The following DNAH8 variants were observed in gnomAD, a reference collection of about 807,000 sequenced individuals.
The protein encoded by DNAH8 is axonemal beta dynein heavy chain 8.
A neutral mutation model predicts 562.1 loss-of-function variants in DNAH8; 382 were observed. The ratio of observed to expected loss-of-function variants is 0.68; its 90% CI spans 0.63 to 0.74. DNAH8 has a LOEUF of 0.74. DNAH8 is among the 30% of genes least tolerant of loss of function. DNAH8 has a pLI of 0.00. For synonymous variants in DNAH8, 1,881 were observed against 1,919.4 expected (o/e 0.98, Z 0.52); for missense variants, 5,203 against 5,620.4 (o/e 0.93, Z 2.37).
chr6:38,858,321 T>G (rs1298054905), intron 42 of DNAH8, among the ~76,000 whole-genome samples: 1 of 152,192 alleles, frequency 6.6e-6, no homozygotes, highest in African/African-American at 2.4e-5. Context: ...TTAGTCTACT[T>G]GATTTGATAC....
chr6:38,807,594 T>G lies in DNAH8; in HGVS notation c.3151-16T>G, dbSNP rs1771400617. 1 of 1,389,754 alleles carries G rather than the reference T, an allele frequency of 7.2e-7. No individual in the cohort carries two copies. Among genetic ancestry groups the G allele is most frequent in the Non-Finnish European group, 9.6e-7 (1 of 1,046,698 alleles). 86.1% of individuals were successfully genotyped at this position (1,389,754 alleles called of 1,614,324 possible). On this transcript the variant is annotated splice_polypyrimidine_tract_variant and intron_variant, in intron 23 of 92. Coordinates refer to ENST00000327475, the MANE Select transcript of DNAH8 (RefSeq NM_001206927.2). Reference sequence around the variant, plus strand: ...TGGAGGAGAGATACCAAATTTAATCTGATTTCTTATTACAGGAGTGTAAAG... The same window carrying G: ...TGGAGGAGAGATACCAAATTTAATCGGATTTCTTATTACAGGAGTGTAAAG...
At position 38,778,406 on chromosome 6, in the gene DNAH8, A is replaced by C. The variant is rs1768266280; in HGVS notation, c.1981A>C (p.Met661Leu). ...ATTTTAGGTACAAATACAGGCATTT[A>C]TGAACAGTAGTTTTGGGAAAATCTT... ...NGLEVQIQAF[M>L]NSSFGKILSS... Residue 661 changes from methionine (M) to leucine (L), a missense_variant, in exon 14 of 93, where the codon ATG (methionine) becomes CTG (leucine). Transcript: ENST00000327475. 1 of 1,575,102 alleles carries C rather than the reference A, an allele frequency of 6.3e-7. No individual in the cohort carries two copies. Among genetic ancestry groups the C allele is most frequent in the African/African-American group, 1.3e-5 (1 of 74,154 alleles).
intron 19 of DNAH8, 34 bp downstream of exon 19, chr6:38,789,917 TG>T: frequency 6.6e-7 from 1 of 1,509,518 alleles, no homozygotes; most frequent in South Asian, 1.1e-5. Context: ...TTGATTTTCC[TG>T]TTATTTAAAA....
intron 70 of DNAH8, among the ~76,000 whole-genome samples, chr6:38,918,825 C>A (rs1781492025): frequency 6.6e-6 from 1 of 152,000 alleles, no homozygotes. Context: ...TCCCAATCTC[C>A]CACCCCAACA....
intron 88 of DNAH8, among the ~76,000 whole-genome samples, chr6:38,990,682 G>A (rs544984786): frequency 2.5e-4 from 38 of 152,278 alleles, no homozygotes; most frequent in African/African-American, 7.9e-4. Flanking sequence ...GGTGCAGTGC[G>A]GTGAGCACTT....
intron 85 of DNAH8, among the ~76,000 whole-genome samples, chr6:38,977,283 C>G (rs1763741281): frequency 6.6e-6 from 1 of 152,188 alleles, no homozygotes; most frequent in Admixed American, 6.5e-5. Flanking sequence ...GCACTAAGCT[C>G]TGCTCCCTGC....
chr6:38,921,521 A>T lies in DNAH8; in HGVS notation c.10662+15A>T, dbSNP rs758959443. 1.9e-6 allele frequency: 3 copies of T among 1,608,452 alleles called. No homozygotes were observed. Among genetic ancestry groups the T allele is most frequent in the Admixed American group, 3.4e-5 (2 of 59,260 alleles). ...ATGAGAAAATGGTGAGATTAAACAT[A>T]AAAAATCCCCAAAATGGTGTACTGA... is the stretch of plus-strand genomic sequence containing the variant. On this transcript the variant is annotated intron_variant, in intron 71 of 92. Transcript: ENST00000327475.
rs765334148 is a variant in DNAH8, at chr6:38,845,685, G to A, written c.4957G>A (p.Glu1653Lys). The change falls in exon 36 of 93, where the codon GAG becomes AAG. Residue 1653 changes from glutamate (E) to lysine (K), a missense_variant. Physicochemically the swap from Glu to Lys is moderately conservative, Grantham distance 56 (BLOSUM62 1). Transcript: ENST00000327475. ...LSFAAFKGKG[E>K]LLLKGTESGE... ...TTTTGCAGCATTTAAGGGAAAAGGA[G>A]AGCTCCTGCTCAAAGGAACCGAATC... The A allele has an allele frequency of 1.6e-5, 26 of 1,613,860 alleles. No individual in the cohort carries two copies. In the Admixed American group the frequency reaches 4.3e-4, roughly 27 times the overall value.
intron 26 of DNAH8, among the ~76,000 whole-genome samples, chr6:38,817,395 A>G (rs1424875466): frequency 6.6e-6 from 1 of 152,190 alleles, no homozygotes; most frequent in Non-Finnish European, 1.5e-5. Context: ...CTACACAACC[A>G]GGTGGCTCAG....
At position 38,749,028 on chromosome 6, in the gene DNAH8, C is replaced by T. The variant is rs143706304; in HGVS notation, c.1294-1448C>T. ...ATCACACTGAAGGCTTCCTTTCATT[C>T]CTGAGGCATATGTATTTAGAGTGAT... is the stretch of plus-strand genomic sequence containing the variant. On this transcript the variant is annotated intron_variant, in intron 8 of 92. Transcript: ENST00000327475. 1.6e-3 allele frequency among the ~76,000 whole-genome samples: 247 copies of T among 152,062 alleles called. 2 individuals are homozygous for T. The highest frequency in any genetic ancestry group is 5.8e-3 in the African/African-American group (239 of 41,462).
At chr6:38,966,759 G>C (rs913741060) in intron 82 of DNAH8, among the ~76,000 whole-genome samples, 1 of 152,190 alleles carries the variant, frequency 6.6e-6, no homozygotes, top group Non-Finnish European at 1.5e-5. Context: ...TGCTGTCTTA[G>C]TCTGTTTGAG....
At chr6:38,963,682 T>A in intron 82 of DNAH8, among the ~76,000 whole-genome samples, 1 of 9,962 alleles carries the variant, frequency 1.0e-4, no homozygotes, top group Non-Finnish European at 2.5e-4. Context: ...AGTCCATTCT[T>A]TTTTTTTTTT....
intron 66 of DNAH8, among the ~76,000 whole-genome samples, chr6:38,913,433 G>C (rs937534686): frequency 6.6e-6 from 1 of 152,106 alleles, no homozygotes; most frequent in Non-Finnish European, 1.5e-5. Flanking sequence ...TTATAACAAA[G>C]AGAACCACAA....
chr6:38,860,544 G>T lies in DNAH8; in HGVS notation c.6046G>T (p.Val2016Leu). The T allele has an allele frequency of 1.3e-6, 2 of 1,532,446 alleles. No individual in the cohort carries two copies. Among genetic ancestry groups the T allele is most frequent in the African/African-American group, 1.4e-5 (1 of 70,560 alleles). 94.9% of individuals were successfully genotyped at this position (1,532,446 alleles called of 1,614,324 possible). Residue 2016 changes from valine to leucine, a missense_variant, in exon 43 of 93, where the codon GTG becomes TTG. Val to Leu is a conservative substitution (Grantham distance 32, BLOSUM62 1). Around this residue, in one of 6 missense-constraint regions of DNAH8, gnomAD observed 2,176 missense variants for 2,365.1 expected, o/e 0.92. Transcript: ENST00000327475. ...TAAGGAAGATTTGGATCAAACTGTG[G>T]TGTCTATTACAGATGTTGATTTTAT... ...YFKEDLDQTV[V>L]SITDVDFIYQ...
In DNAH8 at chr6:38,927,211, C is replaced by T. The variant is rs940820737; in HGVS notation, c.11118+1001C>T. Among the ~76,000 whole-genome samples the T allele has an allele frequency of 2.0e-5, 3 of 152,210 alleles. 1 individual carries two copies. The South Asian group carries it at 6.2e-4, about 32-fold the overall frequency. On this transcript the variant is annotated intron_variant, in intron 74 of 92. Transcript: ENST00000327475. ...AAGAAGCACTTGGTAAAATTCAATG[C>T]TCATTCATGATCAAATTTCCAGCAA... is the stretch of plus-strand genomic sequence containing the variant.
At chr6:38,768,299 C>T (rs989005220) in intron 11 of DNAH8, among the ~76,000 whole-genome samples, 1 of 152,118 alleles carries the variant, frequency 6.6e-6, no homozygotes, top group Non-Finnish European at 1.5e-5. Flanking sequence ...GACAAAGCCT[C>T]ACTCTGTCAC....
In DNAH8 at chr6:38,844,362, AT is replaced by A. The variant is rs1775105521; in HGVS notation, c.4846-1211del. Among the ~76,000 whole-genome samples the A allele has an allele frequency of 2.0e-5, 3 of 151,818 alleles. 1 individual carries two copies. Among genetic ancestry groups the A allele is most frequent in the Admixed American group, 2.0e-4 (3 of 15,246 alleles). ...AAAAAATTATTTTATCCATTATTCTATGTTTTTGGAGTTGAGAAAATGCACC... is the reference window on the plus strand; with the variant it reads ...AAAAAATTATTTTATCCATTATTCTAGTTTTTGGAGTTGAGAAAATGCACC... On this transcript the variant is annotated intron_variant, in intron 35 of 92. Coordinates refer to ENST00000327475, the MANE Select transcript of DNAH8 (RefSeq NM_001206927.2).
intron 80 of DNAH8, 49 bp downstream of exon 80, chr6:38,945,637 A>G (rs1285345771): frequency 6.2e-7 from 1 of 1,607,974 alleles, no homozygotes; most frequent in South Asian, 1.1e-5. Flanking sequence ...AAACCCAAAC[A>G]TACCTGGGCC....
chr6:38,847,765 C>G (rs527805497), intron 36 of DNAH8, among the ~76,000 whole-genome samples: 2 of 152,158 alleles, frequency 1.3e-5, no homozygotes, highest in African/African-American at 4.8e-5. Context: ...ACACTGCAGT[C>G]GGCTTCTTGC....
Sources: gnomAD v4.1 joint callset for allele counts (sites outside exome capture counted in the v4.1 genomes callset) on GRCh38, gnomAD v4.1.1 for gene constraint, gnomAD v4.1.1 regional missense constraint, MANE v1.5 for transcripts, NCBI Gene and HGNC (gene_info 2026-07-23, HGNC 2026-07-21) for gene names.